C2CD3: variants seen among roughly 807,000 people sequenced by gnomAD.
C2CD3 encodes C2 domain-containing protein 3.
Under a neutral mutation model 234.0 loss-of-function variants are expected in C2CD3, and 148 were observed. The ratio of observed to expected loss-of-function variants is 0.63; its 90% CI spans 0.55 to 0.72. The LOEUF (loss-of-function observed/expected upper bound fraction) is 0.72, where lower values mean the gene tolerates loss of function less well. C2CD3 is among the 30% of genes least tolerant of loss of function. The pLI is 0.00. For synonymous variants in C2CD3, 1,000 were observed against 1,035.4 expected (o/e 0.97, Z 0.66); for missense variants, 2,577 against 2,811.5 (o/e 0.92, Z 1.89).
Position 74,034,235 on chromosome 11 carries a change from A to G in C2CD3, c.5925T>C (p.Ser1975=). The G allele has an allele frequency of 6.5e-7, 1 of 1,536,116 alleles. No individual in the cohort carries two copies. The highest frequency in any genetic ancestry group is 1.2e-5 in the South Asian group (1 of 84,046). ...ITRDSQAALS[S]HRARSRSNKA... ...TGTTGCTTCTACTCCTGGCTCGGTG[A>G]GAACTCAAAGCTGCTTGCGAATCCC... is the stretch of plus-strand genomic sequence containing the variant. Residue 1975 remains serine (S), a synonymous_variant, in exon 31 of 33, where the codon TCT becomes TCC. Transcript: ENST00000334126.
chr11:74,109,179 A>G (rs781267788), intron 11 of C2CD3, 27 bp from the exon 12 acceptor site: 2 of 1,211,452 alleles, frequency 1.7e-6, no homozygotes, highest in Non-Finnish European at 2.3e-6. Flanking sequence ...ACACACAGAC[A>G]TGTCACACCA....
chr11:74,144,769 A>ATGG (rs1190452734), intron 3 of C2CD3, among the ~76,000 whole-genome samples: 1 of 152,196 alleles, frequency 6.6e-6, no homozygotes, highest in African/African-American at 2.4e-5. Context: ...CATGTCCTGC[A>ATGG]AAGGACATGA....
intron 3 of C2CD3, among the ~76,000 whole-genome samples, chr11:74,147,260 ACAAAAATTAG>A (rs1288608188): frequency 1.3e-5 from 2 of 151,932 alleles, no homozygotes; most frequent in Non-Finnish European, 2.9e-5. Context: ...ACAAAAAAAT[ACAAAAATTAG>A]CCAGGTGTCG....
At chr11:74,035,582 T>C (rs567709223) in intron 30 of C2CD3, among the ~76,000 whole-genome samples, 1 of 152,276 alleles carries the variant, frequency 6.6e-6, no homozygotes, top group East Asian at 1.9e-4. Context: ...CATATAGCTC[T>C]GGCTTAAAAA....
At chr11:74,164,228 C>A in intron 2 of C2CD3, 6 of 958,672 alleles carry the variant, frequency 6.3e-6, no homozygotes, top group Non-Finnish European at 7.4e-6. Flanking sequence ...CTTTCACATT[C>A]CTACTAACTG....
At chr11:74,111,848 A>G (rs1357776092) in intron 11 of C2CD3, among the ~76,000 whole-genome samples, 5 of 151,372 alleles carry the variant, frequency 3.3e-5, no homozygotes, top group South Asian at 2.1e-4. Context: ...GTGGCCCAAG[A>G]CAATTCTTCT....
chr11:74,085,588 T>C, intron 21 of C2CD3, 30 bp downstream of exon 21: 1 of 1,609,622 alleles, frequency 6.2e-7, no homozygotes, highest in South Asian at 1.1e-5. Flanking sequence ...CTCTTTTAAT[T>C]TTGATTGTGA....
chr11:74,128,007 C>A (rs927693382), intron 7 of C2CD3, among the ~76,000 whole-genome samples: 1 of 152,086 alleles, frequency 6.6e-6, no homozygotes, highest in Non-Finnish European at 1.5e-5. Context: ...GGACTACAGG[C>A]GCCTGCTACC....
intron 2 of C2CD3, 61 bp downstream of exon 2, chr11:74,168,283 G>A (rs369300408): frequency 7.2e-7 from 1 of 1,383,330 alleles, no homozygotes; most frequent in South Asian, 1.2e-5. Flanking sequence ...ACTTATTGCT[G>A]ACAATATAAC....
At chr11:74,121,282 T>G (rs888764114) in intron 8 of C2CD3, among the ~76,000 whole-genome samples, 2 of 152,100 alleles carry the variant, frequency 1.3e-5, no homozygotes, top group Admixed American at 6.6e-5. Context: ...AAAAGAGAGA[T>G]AATACTATCT....
rs1162999380 is a variant in C2CD3, at chr11:74,106,371, C to A, written c.2085G>T (p.Lys695Asn). The change falls in exon 13 of 33, where the codon AAG (lysine) becomes AAT (asparagine). Residue 695 changes from lysine to asparagine, a missense_variant and splice_region_variant. Coordinates refer to ENST00000334126, the MANE Select transcript of C2CD3 (RefSeq NM_001286577.2). Reference protein sequence around the residue: ...ENGQSPFGPLKVTMELITDNK... With the variant: ...ENGQSPFGPLNVTMELITDNK... The stretch of plus-strand genomic sequence containing the variant: ...ACTTCCTGAATGTATATCTACATAC[C>A]TTGAGGGGGCCAAATGGAGACTGAC... The A allele has an allele frequency of 6.2e-7, 1 of 1,613,850 alleles. No individual in the cohort carries two copies. The highest frequency in any genetic ancestry group is 1.1e-5 in the South Asian group (1 of 91,040).
At position 74,168,451 on chromosome 11, in the gene C2CD3, GT is replaced by G. The variant is rs1224828981; in HGVS notation, c.217del (p.Thr73ProfsTer16). 2 of 1,614,158 alleles carry G rather than the reference GT, an allele frequency of 1.2e-6. No individual in the cohort carries two copies. The highest frequency in any genetic ancestry group is 1.7e-6 in the Non-Finnish European group (2 of 1,179,978). On this transcript the variant is annotated frameshift_variant, in exon 2 of 33. Coordinates refer to ENST00000334126, the MANE Select transcript of C2CD3 (RefSeq NM_001286577.2). LOFTEE classifies it high-confidence loss of function. ...VRWWGETSDG[T>X]LFCPRDALQT... ...CAATGCATCCCTGGGACAAAAGAGG[GT>G]TCCATCTGATGTTTCTCCCCACCAT... is the stretch of plus-strand genomic sequence containing the variant.
chr11:74,034,808 C>T (rs895459363), intron 30 of C2CD3, among the ~76,000 whole-genome samples: 2 of 152,166 alleles, frequency 1.3e-5, no homozygotes, highest in African/African-American at 2.4e-5. Flanking sequence ...ATCTTGGGTT[C>T]GAATCTCTGT....
At chr11:74,114,300 A>G in intron 10 of C2CD3, 84 bp downstream of exon 10, 1 of 892,660 alleles carries the variant, frequency 1.1e-6, no homozygotes, top group Non-Finnish European at 1.8e-6. Flanking sequence ...ATCCCAAATC[A>G]CAGTATTATG....
At chr11:74,078,053 C>A (rs1391266842) in intron 23 of C2CD3, 62 bp downstream of exon 23, 1 of 1,542,610 alleles carries the variant, frequency 6.5e-7, no homozygotes, top group Non-Finnish European at 8.7e-7. Flanking sequence ...GAGTGTCTCA[C>A]CTAGTGTTTG....
Position 74,170,745 on chromosome 11 carries a change from T to A in C2CD3, c.48A>T (p.Lys16Asn), listed in dbSNP as rs1857140040. The change falls in exon 1 of 33, where the codon AAA becomes AAT. Residue 16 changes from lysine (K) to asparagine (N), a missense_variant. Coordinates refer to ENST00000334126, the MANE Select transcript of C2CD3 (RefSeq NM_001286577.2). ...GQGSGGSRGRKKRGLSDISPS... is the reference protein window; with the variant it reads ...GQGSGGSRGRNKRGLSDISPS... ...TTTGATCGCTCAGGTTACCTCTTTT[T>A]TTGCGCCCACGGCTGCCCCCAGACC... 6.2e-7 allele frequency: 1 copy of A among 1,614,238 alleles called. No individual in the cohort carries two copies. The highest frequency in any genetic ancestry group is 2.2e-5 in the East Asian group (1 of 44,888).
At chr11:74,168,274 C>T in intron 2 of C2CD3, 70 bp downstream of exon 2, 1 of 1,296,626 alleles carries the variant, frequency 7.7e-7, no homozygotes, top group Non-Finnish European at 1.1e-6. Flanking sequence ...CACAACAACA[C>T]TTATTGCTGA....
chr11:74,114,530 A>C lies in C2CD3; in HGVS notation c.1584T>G (p.Ser528Arg). 3 of 1,613,918 alleles carry C rather than the reference A, an allele frequency of 1.9e-6. No homozygotes were observed. ...TPEDAQTMTL[S>R]VDRLALLGRT... ...TACCCAAAAGGGCCAGTCTATCCAC[A>C]CTTAGTGTCATCGTTTGGGCATCTT... The change falls in exon 10 of 33, where the codon AGT (serine) becomes AGG (arginine). Residue 528 changes from serine (S) to arginine (R), a missense_variant. Physicochemically the swap from Ser to Arg is moderately radical, Grantham distance 110. Transcript: ENST00000334126.
intron 23 of C2CD3, among the ~76,000 whole-genome samples, chr11:74,076,465 A>G (rs540484767): frequency 6.6e-6 from 1 of 152,342 alleles, no homozygotes; most frequent in East Asian, 1.9e-4. Flanking sequence ...GCTATCTCTA[A>G]TTCATCTTAA....
Sources: gnomAD v4.1 joint callset for allele counts (sites outside exome capture counted in the v4.1 genomes callset) on GRCh38, gnomAD v4.1.1 for gene constraint, MANE v1.5 for transcripts, NCBI Gene and HGNC (gene_info 2026-07-23, HGNC 2026-07-21) for gene names.